Variants in ITGAE observed in about 807,000 individuals in gnomAD.
ITGAE encodes integrin alpha-E.
Under a neutral mutation model 136.5 loss-of-function variants are expected in ITGAE, and 99 were observed. That is an observed-to-expected ratio of 0.73 (90% CI 0.62 to 0.86). ITGAE has a LOEUF of 0.86. ITGAE is among the 40% of genes least tolerant of loss of function. ITGAE has a pLI of 0.00. For synonymous variants in ITGAE, 613 were observed against 591.8 expected, an observed-to-expected ratio of 1.04 and a Z score of -0.52; for missense variants, 1,447 against 1,515.3, an observed-to-expected ratio of 0.95 and a Z score of 0.75.
At chr17:3,758,852 G>A (rs916863945) in intron 8 of ITGAE, among the ~76,000 whole-genome samples, 13 of 151,938 alleles carry the variant, frequency 8.6e-5, no homozygotes, top group African/African-American at 2.4e-4. Context: ...GAGGCCGGGC[G>A]CGGTGGCTCA....
At chr17:3,777,706 C>T (rs756235606) in intron 1 of ITGAE, 46 bp from the exon 2 acceptor site, 42 of 1,562,394 alleles carry the variant, frequency 2.7e-5, no homozygotes, top group Admixed American at 7.5e-5. Flanking sequence ...CTTTTACTCC[C>T]GTTATTCCAG....
At chr17:3,743,697 CT>C (rs1261866331) in intron 18 of ITGAE, 80 bp from the exon 19 acceptor site, 6 of 1,212,330 alleles carry the variant, frequency 4.9e-6, no homozygotes, top group Middle Eastern at 2.8e-4. Flanking sequence ...TTTTCTTTTT[CT>C]TTTTTTCTTT....
At chr17:3,737,790 A>G (rs2051492432) in intron 20 of ITGAE, among the ~76,000 whole-genome samples, 2 of 152,150 alleles carry the variant, frequency 1.3e-5, no homozygotes, top group South Asian at 2.1e-4. Flanking sequence ...CCTCAGGTCA[A>G]AAACCACTGA....
chr17:3,770,982 A>G (rs1397734676), intron 2 of ITGAE, among the ~76,000 whole-genome samples: 2 of 152,096 alleles, frequency 1.3e-5, no homozygotes, highest in East Asian at 1.9e-4. Context: ...TACAAACAGT[A>G]TGGAAAACTG....
At chr17:3,729,698 A>C in intron 23 of ITGAE, 143 bp from the exon 24 acceptor site, 1 of 649,726 alleles carries the variant, frequency 1.5e-6, no homozygotes. Context: ...GGGTTCAAGC[A>C]ATTCTCATGC....
chr17:3,740,697 T>TA (rs1296277987), intron 19 of ITGAE, among the ~76,000 whole-genome samples: 1 of 152,206 alleles, frequency 6.6e-6, no homozygotes, highest in Admixed American at 6.5e-5. Context: ...CTCTGTAAGC[T>TA]AACTATTTCC....
intron 29 of ITGAE, among the ~76,000 whole-genome samples, chr17:3,719,345 C>T (rs2051005855): frequency 6.6e-6 from 1 of 152,056 alleles, no homozygotes; most frequent in South Asian, 2.1e-4. Flanking sequence ...TCTCCTCCTC[C>T]AGGGAGGAAA....
intron 1 of ITGAE, 47 bp from the exon 2 acceptor site, chr17:3,777,707 GT>G (rs1567552000): frequency 1.3e-6 from 2 of 1,561,486 alleles, no homozygotes; most frequent in South Asian, 1.2e-5. Context: ...TTTTACTCCC[GT>G]TATTCCAGCA....
intron 18 of ITGAE, among the ~76,000 whole-genome samples, chr17:3,745,349 T>G (rs960638225): frequency 1.3e-5 from 2 of 152,086 alleles, no homozygotes; most frequent in African/African-American, 2.4e-5. Flanking sequence ...TTTATTATTA[T>G]TATTATTTTG....
chr17:3,760,886 G>GT (rs2052148088), intron 6 of ITGAE, 127 bp downstream of exon 6: 4 of 1,368,894 alleles, frequency 2.9e-6, no homozygotes, highest in Non-Finnish European at 3.9e-6. Context: ...GCTGGTACAG[G>GT]TCAGGTCTGT....
In ITGAE at chr17:3,727,998, T is replaced by G. The variant is rs1269594924; in HGVS notation, c.3005A>C (p.Glu1002Ala). The G allele has an allele frequency of 6.2e-7, 1 of 1,614,122 alleles. No individual in the cohort carries two copies. The highest frequency in any genetic ancestry group is 2.2e-5 in the East Asian group (1 of 44,884). ...TGGGACGCAAATTTGCAACTGGTAT[T>G]CTGCTCCAAAGAGGTTCTCCCCATG... is the stretch of plus-strand genomic sequence containing the variant. The part of the protein sequence containing the change: ...HVHGENLFGA[E>A]YQLQICVPTK... Residue 1002 changes from glutamate (E) to alanine (A), a missense_variant, in exon 26 of 31, where the codon GAA becomes GCA. This residue lies in a region of ITGAE where 1,031 missense variants were observed against 1,011.4 expected (regional missense o/e 1.02). Coordinates refer to ENST00000263087, the MANE Select transcript of ITGAE (RefSeq NM_002208.5).
chr17:3,732,550 C>A (rs997065245), intron 21 of ITGAE, 84 bp from the exon 22 acceptor site: 31 of 1,157,004 alleles, frequency 2.7e-5, no homozygotes, highest in Admixed American at 7.3e-5. Context: ...ATTCAGCAAA[C>A]ATTCACTAAT....
Position 3,739,401 on chromosome 17 carries a change from T to C in ITGAE, c.2522+404A>G, listed in dbSNP as rs977151489. On this transcript the variant is annotated intron_variant, in intron 20 of 30. Coordinates refer to ENST00000263087, the MANE Select transcript of ITGAE (RefSeq NM_002208.5). Reference sequence around the variant, plus strand: ...CCTAGAGTGCTTGGCACAAAGTAGATGGTCCAGAAATATTTGATTGATTAG... The same window carrying C: ...CCTAGAGTGCTTGGCACAAAGTAGACGGTCCAGAAATATTTGATTGATTAG... Among the ~76,000 whole-genome samples, 11 of 152,306 alleles carry C rather than the reference T, an allele frequency of 7.2e-5. 1 individual carries two copies. Among genetic ancestry groups the C allele is most frequent in the Admixed American group, 6.5e-5 (1 of 15,298 alleles).
At chr17:3,737,395 A>C (rs967901162) in intron 20 of ITGAE, among the ~76,000 whole-genome samples, 3 of 152,140 alleles carry the variant, frequency 2.0e-5, no homozygotes, top group Admixed American at 1.3e-4. Context: ...GGGGGGACAG[A>C]GGAGTTAAGG....
rs773389315 is a variant in ITGAE, at chr17:3,755,194, C to T, written c.1307G>A (p.Arg436His). 9.5e-5 allele frequency: 150 copies of T among 1,579,968 alleles called. 3 individuals are homozygous for T. In the South Asian group the frequency reaches 1.3e-3, roughly 14 times the overall value. Reference protein sequence around the residue: ...WSGGALLYDTRSRRGRFLNQT... With the variant: ...WSGGALLYDTHSRRGRFLNQT... Reference sequence around the variant, plus strand: ...GTTCAGGAAGCGGCCCCGGCGGCTGCGTGTGTCGTAGAGCAACGCCCCTCC... The same window carrying T: ...GTTCAGGAAGCGGCCCCGGCGGCTGTGTGTGTCGTAGAGCAACGCCCCTCC... The change falls in exon 12 of 31, where the codon CGC becomes CAC. Residue 436 changes from arginine (R) to histidine (H), a missense_variant. By Grantham distance (29) the Arg-to-His change is conservative (BLOSUM62 0). Coordinates refer to ENST00000263087, the MANE Select transcript of ITGAE (RefSeq NM_002208.5).
In ITGAE at chr17:3,728,000, TG is replaced by T. The variant is rs2051253901; in HGVS notation, c.3002del (p.Ala1001GlufsTer19). ...GGACGCAAATTTGCAACTGGTATTCTGCTCCAAAGAGGTTCTCCCCATGTAC... is the reference window on the plus strand; with the variant it reads ...GGACGCAAATTTGCAACTGGTATTCTCTCCAAAGAGGTTCTCCCCATGTAC... ...FHVHGENLFG[A>X]EYQLQICVPT... On this transcript the variant is annotated frameshift_variant, in exon 26 of 31. Transcript: ENST00000263087. LOFTEE classifies it high-confidence loss of function. 6.2e-7 allele frequency: 1 copy of T among 1,613,968 alleles called. No homozygotes were observed. Among genetic ancestry groups the T allele is most frequent in the African/African-American group, 1.3e-5 (1 of 74,922 alleles).
At chr17:3,743,379 G>T in intron 19 of ITGAE, 110 bp downstream of exon 19, 3 of 1,287,184 alleles carry the variant, frequency 2.3e-6, no homozygotes, top group Non-Finnish European at 3.2e-6. Context: ...CCCAAATGCC[G>T]TCTGAAGACA....
rs374574507 is a variant in ITGAE, at chr17:3,768,435, C to T, written c.156-4475G>A. Among the ~76,000 whole-genome samples the T allele has an allele frequency of 4.7e-4, 72 of 152,276 alleles. 3 individuals are homozygous for T. The South Asian group carries it at 0.015, about 32-fold the overall frequency. On this transcript the variant is annotated intron_variant, in intron 2 of 30. Coordinates refer to ENST00000263087, the MANE Select transcript of ITGAE (RefSeq NM_002208.5). ...GTTACAGTGAGTTTCAGGCATGAGC[C>T]ACAGCACCTGGCCCACTCATGTAGT... is the stretch of plus-strand genomic sequence containing the variant.
Position 3,750,530 on chromosome 17 carries a change from C to T in ITGAE, c.1894-48G>A, listed in dbSNP as rs191375488. 252 of 1,608,722 alleles carry T rather than the reference C, an allele frequency of 1.6e-4. 1 individual carries two copies. In the East Asian group the frequency reaches 2.4e-3, roughly 16 times the overall value. On this transcript the variant is annotated intron_variant, in intron 15 of 30. Transcript: ENST00000263087. ...CGTGGGGCGAGGGAAGGGAGGGAAA[C>T]GGGGCGGGGAGTCCTTTCATGATCT...
Sources: allele counts gnomAD v4.1 joint callset (sites outside exome capture counted in the v4.1 genomes callset), GRCh38; gene constraint gnomAD v4.1.1; regional missense constraint gnomAD v4.1.1; transcripts MANE v1.5; gene names NCBI Gene and HGNC (gene_info 2026-07-23, HGNC 2026-07-21).